The following RIPK1 variants were observed in gnomAD, a reference collection of about 807,000 sequenced individuals.
The protein encoded by RIPK1 is receptor interacting serine/threonine kinase 1, also known as receptor-interacting serine/threonine-protein kinase 1.
A neutral mutation model predicts 62.4 loss-of-function variants in RIPK1; 27 were observed. That is an observed-to-expected ratio of 0.43 (90% CI 0.32 to 0.60). The LOEUF (loss-of-function observed/expected upper bound fraction) is 0.60, where lower values mean the gene tolerates loss of function less well. Ranked by LOEUF, RIPK1 falls within the 20% of genes least tolerant of loss-of-function variation. The pLI, the probability that RIPK1 is intolerant of heterozygous loss-of-function variation, is 0.07. For synonymous variants in RIPK1, 287 were observed against 303.2 expected (o/e 0.95, Z 0.55); for missense variants, 735 against 831.0 (o/e 0.88, Z 1.42).
chr6:3,085,466 A>C (rs1221057021), intron 6 of RIPK1, 58 bp downstream of exon 6: 1 of 1,573,400 alleles, frequency 6.4e-7, no homozygotes, highest in East Asian at 2.3e-5. Flanking sequence ...TTTCCTAGTA[A>C]CATATTGTTA....
intron 6 of RIPK1, among the ~76,000 whole-genome samples, chr6:3,087,795 T>A (rs1759805486): frequency 2.5e-5 from 1 of 39,592 alleles, no homozygotes; most frequent in Non-Finnish European, 1.8e-4. Flanking sequence ...CGCCTCGGCC[T>A]CCCAAAGTGT....
chr6:3,090,126 T>C (rs772372998), intron 7 of RIPK1, among the ~76,000 whole-genome samples: 1 of 152,174 alleles, frequency 6.6e-6, no homozygotes, highest in Non-Finnish European at 1.5e-5. Context: ...GAGAACCTCA[T>C]TTATGCTATT....
chr6:3,074,409 CATACACCAGTGTG>C (rs1758943598), intron 1 of RIPK1, among the ~76,000 whole-genome samples: 1 of 152,204 alleles, frequency 6.6e-6, no homozygotes, highest in Admixed American at 6.5e-5. Flanking sequence ...CCATCGTGTT[CATACACCAGTGTG>C]TTCACTCATT....
chr6:3,099,261 T>A (rs769535463), intron 7 of RIPK1, among the ~76,000 whole-genome samples: 2 of 152,130 alleles, frequency 1.3e-5, no homozygotes, highest in Non-Finnish European at 2.9e-5. Context: ...AAAACAAAAA[T>A]AGGCCGGGTG....
chr6:3,083,773 C>T (rs2113610720), intron 5 of RIPK1, among the ~76,000 whole-genome samples: 1 of 152,216 alleles, frequency 6.6e-6, no homozygotes, highest in East Asian at 1.9e-4. Flanking sequence ...CATCAGCTCC[C>T]ATGGTTTGAT....
intron 7 of RIPK1, among the ~76,000 whole-genome samples, chr6:3,094,019 G>A (rs1281701918): frequency 6.2e-4 from 47 of 75,596 alleles, no homozygotes; most frequent in Middle Eastern, 0.016. Flanking sequence ...ACTGCAGCGC[G>A]CCTACCTGCC....
At chr6:3,071,816 A>G (rs1758727268) in intron 1 of RIPK1, among the ~76,000 whole-genome samples, 1 of 152,204 alleles carries the variant, frequency 6.6e-6, no homozygotes, top group Non-Finnish European at 1.5e-5. Context: ...TCCACCGCAC[A>G]CAGCAGCACC....
chr6:3,071,845 T>C (rs1052352834), intron 1 of RIPK1, among the ~76,000 whole-genome samples: 2 of 152,198 alleles, frequency 1.3e-5, no homozygotes, highest in Non-Finnish European at 2.9e-5. Flanking sequence ...CTAGTTGGTC[T>C]TGACAAATTT....
At chr6:3,070,201 G>A (rs1222279400) in intron 1 of RIPK1, among the ~76,000 whole-genome samples, 1 of 152,080 alleles carries the variant, frequency 6.6e-6, no homozygotes, top group Non-Finnish European at 1.5e-5. Flanking sequence ...TGTACTTTCT[G>A]GAATGTGAAT....
rs757536891 is a variant in RIPK1 at position 3,105,585 on chromosome 6, T to C, written c.1110T>C (p.Asn370=). 5 of 1,613,976 alleles carry C rather than the reference T, an allele frequency of 3.1e-6. No homozygotes were observed. Among genetic ancestry groups the C allele is most frequent in the Non-Finnish European group, 4.2e-6 (5 of 1,179,924 alleles). Residue 370 remains asparagine, a synonymous_variant, in exon 9 of 11, where the codon AAT becomes AAC. Coordinates refer to ENST00000259808, the MANE Select transcript of RIPK1 (RefSeq NM_001354930.2). The surrounding 1 kb of genome is among the most constrained non-coding windows in gnomAD (Gnocchi z 4.5). ...APSLEHPQEE[N]EPSLQSKLQD... is the part of the protein sequence containing the mutation. Reference sequence around the variant, plus strand: ...CCCTGGAGCACCCACAAGAAGAGAATGAGCCCAGCCTGCAGAGTAAACTCC... The same window carrying C: ...CCCTGGAGCACCCACAAGAAGAGAACGAGCCCAGCCTGCAGAGTAAACTCC...
chr6:3,105,994 G>A lies in RIPK1; in HGVS notation c.1519G>A (p.Glu507Lys). The change falls in exon 9 of 11, where the codon GAG becomes AAG. Residue 507 changes from glutamate to lysine, a missense_variant. Physicochemically the swap from Glu to Lys is moderately conservative, Grantham distance 56. This residue lies in a region of RIPK1 where 671 missense variants were observed against 726.2 expected (regional missense o/e 0.92). Transcript: ENST00000259808. This position sits in a 1 kb window ranked among gnomAD's most constrained non-coding sequence, Gnocchi z 4.5. ...TAGTCTGCATAATATCCCAGTGCCT[G>A]AGACCAACTATCTAGGAAATACACC... is the stretch of plus-strand genomic sequence containing the variant. The part of the protein sequence containing the change: ...MPSLHNIPVP[E>K]TNYLGNTPTM... 2 of 1,613,950 alleles carry A rather than the reference G, an allele frequency of 1.2e-6. No individual in the cohort carries two copies. Among genetic ancestry groups the A allele is most frequent in the East Asian group, 4.5e-5 (2 of 44,880 alleles).
chr6:3,085,412 A>C lies in RIPK1; in HGVS notation c.838+4A>C. The C allele has an allele frequency of 6.2e-7, 1 of 1,614,124 alleles. No individual in the cohort carries two copies. The highest frequency in any genetic ancestry group is 2.2e-5 in the East Asian group (1 of 44,888). Reference sequence around the variant, plus strand: ...GAAGCTCGGCCGACATTTCCTGGTAAGAGCATCTTTTCTGACTGTGTAGGA... The same window carrying C: ...GAAGCTCGGCCGACATTTCCTGGTACGAGCATCTTTTCTGACTGTGTAGGA... On this transcript the variant is annotated splice_donor_region_variant and intron_variant, in intron 6 of 10. Coordinates refer to ENST00000259808, the MANE Select transcript of RIPK1 (RefSeq NM_001354930.2).
At position 3,068,585 on chromosome 6, in the gene RIPK1, AGAGCGCGGCCATCCGGGCGGGGCCGACG is replaced by A. The variant is rs1758505628; in HGVS notation, c.-127_-100del. The A allele has an allele frequency of 1.0e-6, 1 of 985,340 alleles. No homozygotes were observed. Among genetic ancestry groups the A allele is most frequent in the Non-Finnish European group, 1.2e-6 (1 of 829,980 alleles). The allele number at this position is 985,340 out of a possible 1,614,324, so 61.0% of individuals were successfully genotyped here. A position where few individuals can be genotyped will look rare whatever the true frequency, so the allele number is the denominator to read the frequency against. On this transcript the variant is annotated 5_prime_UTR_variant, in exon 1 of 11. Coordinates refer to ENST00000259808, the MANE Select transcript of RIPK1 (RefSeq NM_001354930.2). Reference sequence around the variant, plus strand: ...CCAGGGGACCCACAGCTGGGGCGCCAGAGCGCGGCCATCCGGGCGGGGCCGACGGAGCGCGGCAGGACTTGGCTGGACG... The same window carrying A: ...CCAGGGGACCCACAGCTGGGGCGCCAGAGCGCGGCAGGACTTGGCTGGACG...
intron 9 of RIPK1, among the ~76,000 whole-genome samples, chr6:3,107,823 GC>G (rs1457295889): frequency 6.6e-6 from 1 of 152,054 alleles, no homozygotes; most frequent in Non-Finnish European, 1.5e-5. Context: ...TCCTGGTTCT[GC>G]CAGTGACAGA....
In RIPK1 at chr6:3,081,054, G is replaced by A. The variant is rs978237308; in HGVS notation, c.397G>A (p.Gly133Ser). 6.2e-7 allele frequency: 1 copy of A among 1,614,190 alleles called. No homozygotes were observed. The highest frequency in any genetic ancestry group is 2.2e-5 in the East Asian group (1 of 44,890). The change falls in exon 4 of 11, where the codon GGC (glycine) becomes AGC (serine). Residue 133 changes from glycine to serine, a missense_variant. By Grantham distance (56) the Gly-to-Ser change is moderately conservative. Coordinates refer to ENST00000259808, the MANE Select transcript of RIPK1 (RefSeq NM_001354930.2). ...IEGMCYLHGK[G>S]VIHKDLKPEN... ...AGGAATGTGCTACTTACATGGAAAA[G>A]GCGTGATACACAAGGACCTGAAGCC...
intron 1 of RIPK1, among the ~76,000 whole-genome samples, chr6:3,073,762 C>T (rs1027999742): frequency 6.6e-6 from 1 of 152,188 alleles, no homozygotes; most frequent in Non-Finnish European, 1.5e-5. Context: ...TGTGCAACAC[C>T]ATGGGCAGCC....
At chr6:3,086,904 C>T (rs908058989) in intron 6 of RIPK1, among the ~76,000 whole-genome samples, 3 of 152,166 alleles carry the variant, frequency 2.0e-5, no homozygotes, top group African/African-American at 7.2e-5. Flanking sequence ...GTTGCTAGCC[C>T]CCATTCTGAA....
chr6:3,087,120 G>A (rs1759738636), intron 6 of RIPK1, among the ~76,000 whole-genome samples: 1 of 151,864 alleles, frequency 6.6e-6, no homozygotes, highest in Non-Finnish European at 1.5e-5. Flanking sequence ...TTCCTTATAG[G>A]GAAGGTGTTA....
chr6:3,085,686 G>A (rs1368410286), intron 6 of RIPK1, among the ~76,000 whole-genome samples: 1 of 152,130 alleles, frequency 6.6e-6, no homozygotes, highest in Non-Finnish European at 1.5e-5. Context: ...CATTGTAACT[G>A]TTTTCAAGTG....
Sources: gnomAD v4.1 joint callset for allele counts (sites outside exome capture counted in the v4.1 genomes callset) on GRCh38, gnomAD v4.1.1 for gene constraint, gnomAD v4.1.1 regional missense constraint, Gnocchi (gnomAD v3.1) non-coding constraint, MANE v1.5 for transcripts, NCBI Gene and HGNC (gene_info 2026-07-23, HGNC 2026-07-21) for gene names.